The following SLC7A10 variants were observed in gnomAD, a reference collection of about 807,000 sequenced individuals.
The protein encoded by SLC7A10 is asc-type amino acid transporter 1.
A neutral mutation model predicts 52.7 loss-of-function variants in SLC7A10; 30 were observed. The ratio of observed to expected loss-of-function variants is 0.57; its 90% CI spans 0.43 to 0.77. SLC7A10 has a LOEUF of 0.77. Among genes scored for constraint, SLC7A10 ranks in the 30% least tolerant of loss-of-function variants. The probability of loss-of-function intolerance (pLI) is 0.00; values close to 1 mark genes in which losing one functional copy is unlikely to be tolerated. For synonymous variants in SLC7A10, 318 were observed against 314.9 expected, an observed-to-expected ratio of 1.01 and a Z score of -0.10; for missense variants, 581 against 698.5, an observed-to-expected ratio of 0.83 and a Z score of 1.90.
intron 1 of SLC7A10, among the ~76,000 whole-genome samples, chr19:33,223,273 A>G (rs954939362): frequency 7.0e-6 from 1 of 143,250 alleles, no homozygotes; most frequent in Non-Finnish European, 1.5e-5. Context: ...GTGCCACTGC[A>G]CTCCAGCCTA....
rs531009448 is a variant in SLC7A10, at chr19:33,225,419, G to A, written c.151+134C>T. The A allele has an allele frequency of 7.0e-5, 78 of 1,121,902 alleles. 1 individual carries two copies. In the South Asian group the frequency reaches 9.6e-4, roughly 14 times the overall value. The allele number at this position is 1,121,902 out of a possible 1,614,324, so 69.5% of individuals were successfully genotyped here. On this transcript the variant is annotated intron_variant, in intron 1 of 10. Transcript: ENST00000253188. ...CCCCTGACCTCCCCGCGGTCATAGC[G>A]CTCTCTGAGGCCAGACTGCAGGTTC...
intron 1 of SLC7A10, among the ~76,000 whole-genome samples, chr19:33,224,946 A>G (rs894748011): frequency 7.2e-5 from 11 of 152,282 alleles, no homozygotes; most frequent in East Asian, 1.9e-4. Context: ...GCTGCCCCCA[A>G]TTGCTGGCTA....
chr19:33,211,208 C>T lies in SLC7A10; in HGVS notation c.1016+17G>A, dbSNP rs1974543045. 2 of 1,611,368 alleles carry T rather than the reference C, an allele frequency of 1.2e-6. No homozygotes were observed. The highest frequency in any genetic ancestry group is 1.7e-6 in the Non-Finnish European group (2 of 1,177,700). On this transcript the variant is annotated intron_variant, in intron 7 of 10. Transcript: ENST00000253188. Reference sequence around the variant, plus strand: ...CAGCCTTCCCTCCCCATGCCCACGTCTCCCCAGTGCAGTCACCTGGAGTAG... The same window carrying T: ...CAGCCTTCCCTCCCCATGCCCACGTTTCCCCAGTGCAGTCACCTGGAGTAG...
Position 33,213,103 on chromosome 19 carries a change from G to A in SLC7A10, c.357-101C>T, listed in dbSNP as rs940046305. 212 of 1,487,676 alleles carry A rather than the reference G, an allele frequency of 1.4e-4. 1 individual carries two copies. Among genetic ancestry groups the A allele is most frequent in the Admixed American group, 7.2e-4 (36 of 50,218 alleles). The allele number at this position is 1,487,676 out of a possible 1,614,324, so 92.2% of individuals were successfully genotyped here. ...CAGGGCTGCCCTGGGCCTGGCGCCCGGGGGCTGGCGAGGCTGCCAGAGGCC... is the reference window on the plus strand; with the variant it reads ...CAGGGCTGCCCTGGGCCTGGCGCCCAGGGGCTGGCGAGGCTGCCAGAGGCC... On this transcript the variant is annotated intron_variant, in intron 2 of 10. Transcript: ENST00000253188.
intron 1 of SLC7A10, among the ~76,000 whole-genome samples, chr19:33,224,054 G>C (rs1166386391): frequency 1.3e-5 from 2 of 152,002 alleles, no homozygotes; most frequent in African/African-American, 4.8e-5. Context: ...GATGGGATGT[G>C]GGGAGGGGAT....
At chr19:33,219,568 G>C (rs992870352) in intron 1 of SLC7A10, among the ~76,000 whole-genome samples, 1 of 152,234 alleles carries the variant, frequency 6.6e-6, no homozygotes, top group African/African-American at 2.4e-5. Flanking sequence ...TCAGGCCAGT[G>C]CTGCCCTTCC....
chr19:33,223,702 C>T (rs867895611), intron 1 of SLC7A10, among the ~76,000 whole-genome samples: 69 of 152,262 alleles, frequency 4.5e-4, no homozygotes, highest in African/African-American at 1.5e-3. Context: ...CTGAGTGCCC[C>T]GGGCTTGGGT....
In SLC7A10 at chr19:33,211,323, G is replaced by A. The variant is rs778074093; in HGVS notation, c.918C>T (p.Phe306=). Residue 306 remains phenylalanine, a synonymous_variant, in exon 7 of 11, where the codon TTC becomes TTT. Transcript: ENST00000253188. ...AAAAGTAGCCCAGCAGCTTCTCCCC[G>A]AAGGTCTGGGTGGGCACAGTAGAGA... ...LLSSNAVAVT[F]GEKLLGYFSW... 5.6e-6 allele frequency: 9 copies of A among 1,613,930 alleles called. No homozygotes were observed. The highest frequency in any genetic ancestry group is 2.2e-5 in the East Asian group (1 of 44,888).
intron 1 of SLC7A10, among the ~76,000 whole-genome samples, chr19:33,218,536 G>A (rs1024636589): frequency 1.3e-5 from 2 of 151,668 alleles, no homozygotes; most frequent in Non-Finnish European, 2.9e-5. Flanking sequence ...TGAAGGATGG[G>A]TGGGGCACTG....
At chr19:33,215,702 C>T in intron 2 of SLC7A10, 67 bp downstream of exon 2, 3 of 1,498,524 alleles carry the variant, frequency 2.0e-6, no homozygotes, top group African/African-American at 2.8e-5. Flanking sequence ...GAAACTGATG[C>T]CAGGGCTCAT....
At chr19:33,215,636 C>T (rs1044047876) in intron 2 of SLC7A10, 133 bp downstream of exon 2, 2 of 858,774 alleles carry the variant, frequency 2.3e-6, no homozygotes, top group African/African-American at 1.9e-5. Flanking sequence ...ATCCACCCCC[C>T]ACACCTTCTC....
rs373725851 is a variant in SLC7A10 at position 33,215,911 on chromosome 19, C to T, written c.214G>A (p.Val72Met). ...ACCCAGACGAACAGGGCCAGACCCACGGAGCCTGAGTGCTCCAGGACCCCC... is the reference window on the plus strand; with the variant it reads ...ACCCAGACGAACAGGGCCAGACCCATGGAGCCTGAGTGCTCCAGGACCCCC... ...PKGVLEHSGS[V>M]GLALFVWVLG... is the part of the protein sequence containing the mutation. Residue 72 changes from valine (V) to methionine (M), a missense_variant, in exon 2 of 11, where the codon GTG becomes ATG. Transcript: ENST00000253188. 4.3e-5 allele frequency: 70 copies of T among 1,610,834 alleles called. No individual in the cohort carries two copies. Among genetic ancestry groups the T allele is most frequent in the East Asian group, 1.1e-4 (5 of 44,788 alleles).
intron 5 of SLC7A10, chr19:33,211,821 CA>C: frequency 1.9e-6 from 1 of 526,974 alleles, no homozygotes; most frequent in Non-Finnish European, 3.4e-6. Flanking sequence ...CGCATACAGC[CA>C]AAATCAGCCT....
At position 33,215,777 on chromosome 19, in the gene SLC7A10, G is replaced by C; in HGVS notation, c.348C>G (p.Gly116=). The change falls in exon 2 of 11, where the codon GGC becomes GGG. Residue 116 remains glycine (G), a synonymous_variant. Coordinates refer to ENST00000253188, the MANE Select transcript of SLC7A10 (RefSeq NM_019849.3). ...TGGTGCCCCACACTCACCCAGCCAG[G>C]CCCCCGAAGATCTCTGTGACGTAGG... The part of the protein sequence containing the change: ...DYAYVTEIFG[G]LAGFLLLWSA... 1 of 1,555,986 alleles carries C rather than the reference G, an allele frequency of 6.4e-7. No individual in the cohort carries two copies. Among genetic ancestry groups the C allele is most frequent in the Non-Finnish European group, 8.7e-7 (1 of 1,149,626 alleles).
Position 33,225,692 on chromosome 19 carries a change from G to A in SLC7A10, c.12C>T (p.His4=). ...TCCCGCGCCCGCTCGGCTGCTGCGTGTGGCCGGCCATGTCGCTGTCCCGCC... is the reference window on the plus strand; with the variant it reads ...TCCCGCGCCCGCTCGGCTGCTGCGTATGGCCGGCCATGTCGCTGTCCCGCC... MAG[H]TQQPSGRGNP... is the part of the protein sequence containing the mutation. The change falls in exon 1 of 11, where the codon CAC becomes CAT. Residue 4 remains histidine, a synonymous_variant. Transcript: ENST00000253188. The A allele has an allele frequency of 6.5e-7, 1 of 1,539,034 alleles. No homozygotes were observed. The highest frequency in any genetic ancestry group is 8.7e-7 in the Non-Finnish European group (1 of 1,152,310).
rs1254817864 is a variant in SLC7A10 at position 33,217,051 on chromosome 19, A to T, written c.152-1078T>A. On this transcript the variant is annotated intron_variant, in intron 1 of 10. Coordinates refer to ENST00000253188, the MANE Select transcript of SLC7A10 (RefSeq NM_019849.3). ...CCACACCCAGGTTTTTTTTTTTTTTACTTTTTGTAGAGACAGGTTCTCACT... is the reference window on the plus strand; with the variant it reads ...CCACACCCAGGTTTTTTTTTTTTTTTCTTTTTGTAGAGACAGGTTCTCACT... 6.8e-3 allele frequency among the ~76,000 whole-genome samples: 965 copies of T among 142,540 alleles called. 8 individuals are homozygous for T. Among genetic ancestry groups the T allele is most frequent in the African/African-American group, 0.023 (894 of 38,712 alleles). The allele number at this position is 142,540 out of a possible 152,430, so 93.5% of individuals were successfully genotyped here. A position where few individuals can be genotyped will look rare whatever the true frequency, so the allele number is the denominator to read the frequency against.
chr19:33,215,387 C>A (rs16967863), intron 2 of SLC7A10, among the ~76,000 whole-genome samples: 45,821 of 151,822 alleles, frequency 0.3, 7,975 homozygotes, highest in African/African-American at 0.46. Context: ...CTCGCCTGGG[C>A]ACTCACATTA....
At position 33,225,832 on chromosome 19, in the gene SLC7A10, T is replaced by G; in HGVS notation, c.-129A>C. 3 of 1,096,994 alleles carry G rather than the reference T, an allele frequency of 2.7e-6. No homozygotes were observed. Among genetic ancestry groups the G allele is most frequent in the East Asian group, 3.8e-5 (1 of 26,448 alleles). 68.0% of individuals were successfully genotyped at this position (1,096,994 alleles called of 1,614,324 possible). On this transcript the variant is annotated 5_prime_UTR_variant, in exon 1 of 11. Transcript: ENST00000253188. ...AGCGCCCACAGGCGGGCGCATGCGC[T>G]GGCTCCGGGCCCGGGACTGGGGGCC...
intron 1 of SLC7A10, 103 bp from the exon 2 acceptor site, chr19:33,216,076 TG>T: frequency 9.0e-7 from 1 of 1,109,640 alleles, no homozygotes; most frequent in Non-Finnish European, 1.3e-6. Context: ...CAGCCCGGGG[TG>T]CTTCCCGGAG....
Sources: gnomAD v4.1 joint callset for allele counts (sites outside exome capture counted in the v4.1 genomes callset) on GRCh38, gnomAD v4.1.1 for gene constraint, MANE v1.5 for transcripts, NCBI Gene and HGNC (gene_info 2026-07-23, HGNC 2026-07-21) for gene names.